The following MACROD2 variants were observed in gnomAD, a reference collection of about 807,000 sequenced individuals.
MACROD2 encodes the protein mono-ADP ribosylhydrolase 2, also known as ADP-ribose glycohydrolase MACROD2.
A neutral mutation model predicts 70.4 loss-of-function variants in MACROD2; 36 were observed. That is an observed-to-expected ratio of 0.51 (90% CI 0.39 to 0.68). MACROD2 has a LOEUF of 0.68. MACROD2 is among the 30% of genes least tolerant of loss of function. The pLI is 0.00. For synonymous variants in MACROD2, 172 were observed against 178.8 expected (o/e 0.96, Z 0.30); for missense variants, 496 against 538.4 (o/e 0.92, Z 0.78).
chr20:14,235,676 C>A (rs922960432), intron 3 of MACROD2, among the ~76,000 whole-genome samples: 7 of 152,172 alleles, frequency 4.6e-5, no homozygotes, highest in African/African-American at 1.2e-4. Flanking sequence ...AGTTGCATAA[C>A]GTGGTCTGTG....
At chr20:15,369,966 A>G (rs1419048152) in intron 6 of MACROD2, among the ~76,000 whole-genome samples, 1 of 152,090 alleles carries the variant, frequency 6.6e-6, no homozygotes, top group East Asian at 1.9e-4. Context: ...AAAATCTCTG[A>G]CCTCTGTTTT....
At chr20:15,127,781 A>G (rs997874449) in intron 5 of MACROD2, among the ~76,000 whole-genome samples, 2 of 152,098 alleles carry the variant, frequency 1.3e-5, no homozygotes, top group African/African-American at 4.8e-5. Context: ...ACTTCTTGCA[A>G]TATTCTATTG....
rs1265918980 is a variant in MACROD2, at chr20:15,686,979, A to G, written c.646-175766A>G. 2.8e-5 allele frequency among the ~76,000 whole-genome samples: 4 copies of G among 145,200 alleles called. No individual in the cohort carries two copies. The East Asian group carries it at 8.0e-4, about 29-fold the overall frequency. ...CACCAAGGAACTTTCTTTCTTTTAT[A>G]TTTCTAAAGCTAGTTTCTTTTTTTT... On this transcript the variant is annotated intron_variant, in intron 8 of 17. Transcript: ENST00000684519.
At chr20:15,748,679 A>G (rs1020540516) in intron 8 of MACROD2, among the ~76,000 whole-genome samples, 4 of 152,060 alleles carry the variant, frequency 2.6e-5, no homozygotes, top group African/African-American at 7.2e-5. Context: ...TATCTTTGTT[A>G]CCTTAATATT....
At chr20:14,409,354 G>T (rs1210243040) in intron 3 of MACROD2, among the ~76,000 whole-genome samples, 1 of 151,872 alleles carries the variant, frequency 6.6e-6, no homozygotes, top group East Asian at 1.9e-4. Context: ...CTTACTAAGT[G>T]CCAGGCACTG....
chr20:15,006,715 A>C (rs2075040801), intron 5 of MACROD2, among the ~76,000 whole-genome samples: 1 of 152,190 alleles, frequency 6.6e-6, no homozygotes, highest in South Asian at 2.1e-4. Flanking sequence ...TTTGGAAATT[A>C]CTGCCCTATG....
chr20:15,151,601 G>T (rs1223012629), intron 5 of MACROD2, among the ~76,000 whole-genome samples: 1 of 152,014 alleles, frequency 6.6e-6, no homozygotes, highest in Non-Finnish European at 1.5e-5. Context: ...ACCTTTTAGG[G>T]TCTAGGGCTG....
At chr20:15,015,256 A>G (rs2075112396) in intron 5 of MACROD2, among the ~76,000 whole-genome samples, 1 of 152,130 alleles carries the variant, frequency 6.6e-6, no homozygotes, top group African/African-American at 2.4e-5. Context: ...AACTGCAACC[A>G]AACTTTAAAT....
intron 6 of MACROD2, among the ~76,000 whole-genome samples, chr20:15,348,197 G>C (rs1462497686): frequency 6.6e-6 from 1 of 152,156 alleles, no homozygotes; most frequent in Non-Finnish European, 1.5e-5. Flanking sequence ...CTTGAATGAA[G>C]CTGAGACCCA....
chr20:14,825,574 G>T (rs2072892415), intron 5 of MACROD2, among the ~76,000 whole-genome samples: 1 of 152,044 alleles, frequency 6.6e-6, no homozygotes. Flanking sequence ...ATTTTAAGCA[G>T]CATCAAGATT....
At chr20:14,308,919 A>G (rs777661107) in intron 3 of MACROD2, among the ~76,000 whole-genome samples, 56 of 152,282 alleles carry the variant, frequency 3.7e-4, no homozygotes, top group Non-Finnish European at 6.8e-4. Context: ...TCTCTTAATA[A>G]CAATCTAATG....
intron 6 of MACROD2, among the ~76,000 whole-genome samples, chr20:15,290,922 G>T (rs1297001664): frequency 6.6e-6 from 1 of 152,200 alleles, no homozygotes; most frequent in Non-Finnish European, 1.5e-5. Context: ...GAGCTTAATT[G>T]TAGAGACAGA....
At chr20:15,554,448 C>G (rs2048139120) in intron 8 of MACROD2, among the ~76,000 whole-genome samples, 2 of 151,422 alleles carry the variant, frequency 1.3e-5, no homozygotes, top group South Asian at 2.1e-4. Context: ...TCTGAATGGA[C>G]TTCACCTTAG....
chr20:14,085,287 C>A lies in MACROD2; in HGVS notation c.164-334C>A, dbSNP rs953180214. On this transcript the variant is annotated intron_variant, in intron 2 of 17. Coordinates refer to ENST00000684519, the MANE Select transcript of MACROD2 (RefSeq NM_001351661.2). ...TACCTAAGATTAAAGATTAATACATCTTTTTCTTACCTCCTTGTGAATGTA... is the reference window on the plus strand; with the variant it reads ...TACCTAAGATTAAAGATTAATACATATTTTTCTTACCTCCTTGTGAATGTA... Among the ~76,000 whole-genome samples, 7 of 151,922 alleles carry A rather than the reference C, an allele frequency of 4.6e-5. No homozygotes were observed. In the East Asian group the frequency reaches 7.7e-4, roughly 17 times the overall value.
intron 3 of MACROD2, among the ~76,000 whole-genome samples, chr20:14,268,026 A>G (rs1601416567): frequency 6.6e-6 from 1 of 152,130 alleles, no homozygotes. Flanking sequence ...ATTTCTTATT[A>G]TAAATAATTC....
At chr20:14,189,187 A>C (rs1236928874) in intron 3 of MACROD2, among the ~76,000 whole-genome samples, 3 of 152,094 alleles carry the variant, frequency 2.0e-5, no homozygotes, top group African/African-American at 4.8e-5. Context: ...TGGTTATTTC[A>C]TGCTTTGGTT....
chr20:14,817,813 G>C (rs1251085458), intron 5 of MACROD2, among the ~76,000 whole-genome samples: 1 of 152,148 alleles, frequency 6.6e-6, no homozygotes, highest in East Asian at 1.9e-4. Flanking sequence ...CACTGGCTGA[G>C]TGTCACAAGG....
rs1378145214 is a variant in MACROD2 at position 15,994,311 on chromosome 20, T to G, written c.1153+7153T>G. 4.6e-5 allele frequency among the ~76,000 whole-genome samples: 7 copies of G among 151,726 alleles called. No individual in the cohort carries two copies. The East Asian group carries it at 1.4e-3, about 31-fold the overall frequency. On this transcript the variant is annotated intron_variant, in intron 15 of 17. Coordinates refer to ENST00000684519, the MANE Select transcript of MACROD2 (RefSeq NM_001351661.2). Reference sequence around the variant, plus strand: ...CCTCAGTTGTGAGATGTGCCATTATTTTACATATTATTAATAAATTTTCTA... The same window carrying G: ...CCTCAGTTGTGAGATGTGCCATTATGTTACATATTATTAATAAATTTTCTA...
intron 15 of MACROD2, among the ~76,000 whole-genome samples, chr20:16,014,874 A>G (rs1049545830): frequency 5.3e-5 from 8 of 152,184 alleles, no homozygotes; most frequent in African/African-American, 1.9e-4. Context: ...GAGCTCTCTT[A>G]TAATCCATTA....
Sources: gnomAD v4.1 joint callset for allele counts (sites outside exome capture counted in the v4.1 genomes callset) on GRCh38, gnomAD v4.1.1 for gene constraint, MANE v1.5 for transcripts, NCBI Gene and HGNC (gene_info 2026-07-23, HGNC 2026-07-21) for gene names.